The following AGMO variants were observed in gnomAD, a reference collection of about 807,000 sequenced individuals.
AGMO encodes glyceryl-ether monooxygenase.
In AGMO, 75 loss-of-function variants were observed where a neutral mutation model predicts 60.2. The ratio of observed to expected loss-of-function variants is 1.25; its 90% CI spans 1.03 to 1.51. AGMO has a LOEUF of 1.51. Among genes scored for constraint, AGMO ranks in the 40% most tolerant of loss-of-function variants. The pLI is 0.00. For missense variants in AGMO, 763 were observed against 525.5 expected, an observed-to-expected ratio of 1.45 and a Z score of -4.42; for synonymous variants, 261 against 177.1, an observed-to-expected ratio of 1.47 and a Z score of -3.76.
At chr7:15,277,326 TAAA>T (rs1783828322) in intron 12 of AGMO, among the ~76,000 whole-genome samples, 2 of 144,398 alleles carry the variant, frequency 1.4e-5, no homozygotes, top group Non-Finnish European at 3.1e-5. Context: ...AATAAATAAA[TAAA>T]TAAATAAATA....
intron 12 of AGMO, among the ~76,000 whole-genome samples, chr7:15,327,101 A>G (rs943572687): frequency 6.6e-6 from 1 of 152,204 alleles, no homozygotes; most frequent in African/African-American, 2.4e-5. Context: ...GCCTTTGTGC[A>G]ATGAGTGACC....
intron 12 of AGMO, among the ~76,000 whole-genome samples, chr7:15,280,027 A>T (rs1161237542): frequency 6.6e-6 from 1 of 152,210 alleles, no homozygotes. Flanking sequence ...AGCTGAAATT[A>T]GTGATATAAT....
At chr7:15,120,757 T>C in the AGMO span, among the ~76,000 whole-genome samples, 239 of 152,214 alleles carry the variant, frequency 1.6e-3, 1 homozygote, top group African/African-American at 5.6e-3. Context: ...ATATATTTCT[T>C]TCTTTCTTTT....
At chr7:15,327,006 T>C (rs1781357308) in intron 12 of AGMO, among the ~76,000 whole-genome samples, 1 of 152,168 alleles carries the variant, frequency 6.6e-6, no homozygotes, top group Admixed American at 6.5e-5. Flanking sequence ...AATTGTTCTG[T>C]TTTTGATCAA....
intron 12 of AGMO, among the ~76,000 whole-genome samples, chr7:15,339,155 A>C (rs1455055542): frequency 1.3e-5 from 2 of 152,166 alleles, no homozygotes; most frequent in Non-Finnish European, 1.5e-5. Context: ...TAAGTCCTAC[A>C]AGAGAGATGG....
intron 3 of AGMO, among the ~76,000 whole-genome samples, chr7:15,432,199 G>A (rs749570763): frequency 6.6e-6 from 1 of 151,362 alleles, no homozygotes; most frequent in Non-Finnish European, 1.5e-5. Flanking sequence ...AGTGAAGCTA[G>A]AACTGGAAAT....
chr7:15,383,196 A>G (rs1783765275), intron 10 of AGMO, among the ~76,000 whole-genome samples: 1 of 152,078 alleles, frequency 6.6e-6, no homozygotes, highest in African/African-American at 2.4e-5. Flanking sequence ...GAATGGCAGT[A>G]TTTTACCTAG....
intron 12 of AGMO, among the ~76,000 whole-genome samples, chr7:15,225,225 C>T (rs1014011215): frequency 1.3e-5 from 2 of 151,812 alleles, no homozygotes; most frequent in African/African-American, 2.4e-5. Flanking sequence ...GTGTAGTGTT[C>T]GACTGCATGA....
At chr7:15,439,766 T>G (rs970260231) in intron 3 of AGMO, among the ~76,000 whole-genome samples, 7 of 152,224 alleles carry the variant, frequency 4.6e-5, no homozygotes, top group Non-Finnish European at 7.3e-5. Context: ...TGTATGATTT[T>G]ATTTTTCCCT....
chr7:15,393,517 T>C (rs1370633499), intron 6 of AGMO, among the ~76,000 whole-genome samples: 1 of 152,058 alleles, frequency 6.6e-6, no homozygotes, highest in Non-Finnish European at 1.5e-5. Flanking sequence ...CTATCACAAA[T>C]AATGATGATA....
rs976001214 is a variant in AGMO at position 15,537,134 on chromosome 7, T to C, written c.409+7638A>G. Among the ~76,000 whole-genome samples the C allele has an allele frequency of 3.9e-5, 6 of 152,236 alleles. No homozygotes were observed. The East Asian group carries it at 9.6e-4, about 24-fold the overall frequency. ...CTCCTGTTCCCATTTGAAACATCCC[T>C]AAACCTTCACATAACCTTCCATCTT... On this transcript the variant is annotated intron_variant, in intron 3 of 12. Coordinates refer to ENST00000342526, the MANE Select transcript of AGMO (RefSeq NM_001004320.2).
intron 12 of AGMO, among the ~76,000 whole-genome samples, chr7:15,335,656 G>A (rs1781636268): frequency 6.6e-6 from 1 of 152,112 alleles, no homozygotes; most frequent in African/African-American, 2.4e-5. Context: ...ACTTGTGTCT[G>A]GCCAGCACTA....
chr7:15,431,703 G>C (rs1781244444), intron 3 of AGMO, among the ~76,000 whole-genome samples: 1 of 151,706 alleles, frequency 6.6e-6, no homozygotes, highest in South Asian at 2.1e-4. Context: ...GTTACCTATG[G>C]TTTTCCCATA....
chr7:15,358,426 G>A (rs939698717), intron 12 of AGMO: 4 of 471,040 alleles, frequency 8.5e-6, no homozygotes, highest in African/African-American at 4.0e-5. Flanking sequence ...TGCAGAGTTG[G>A]AAGACAAGTA....
At chr7:15,210,206 G>A (rs1315576460) in intron 12 of AGMO, among the ~76,000 whole-genome samples, 2 of 152,008 alleles carry the variant, frequency 1.3e-5, no homozygotes, top group African/African-American at 4.8e-5. Flanking sequence ...TAATTTGATT[G>A]ATTTCTCATT....
At chr7:15,324,315 G>GTTTA (rs1781272316) in intron 12 of AGMO, among the ~76,000 whole-genome samples, 8 of 151,868 alleles carry the variant, frequency 5.3e-5, no homozygotes, top group Non-Finnish European at 8.8e-5. Context: ...CTGTCCCCAC[G>GTTTA]TGTTTGTCTC....
intron 12 of AGMO, among the ~76,000 whole-genome samples, chr7:15,279,239 A>C (rs1419636441): frequency 6.6e-6 from 1 of 152,100 alleles, no homozygotes; most frequent in African/African-American, 2.4e-5. Flanking sequence ...CCTTCCCTGC[A>C]TTAGGGGTCC....
the AGMO span, among the ~76,000 whole-genome samples, chr7:15,172,642 C>T: frequency 6.6e-6 from 1 of 152,092 alleles, no homozygotes; most frequent in East Asian, 1.9e-4. Flanking sequence ...CAGAAGAGTT[C>T]CTCAAACTCC....
chr7:15,237,140 G>A (rs1187306690), intron 12 of AGMO, among the ~76,000 whole-genome samples: 5 of 152,006 alleles, frequency 3.3e-5, no homozygotes, highest in Non-Finnish European at 7.4e-5. Flanking sequence ...GTGCAGCTCC[G>A]TATGTGCATA....
Sources: gnomAD v4.1 joint callset for allele counts (sites outside exome capture counted in the v4.1 genomes callset) on GRCh38, gnomAD v4.1.1 for gene constraint, MANE v1.5 for transcripts, NCBI Gene and HGNC (gene_info 2026-07-23, HGNC 2026-07-21) for gene names.